The following SLC26A4 variants were observed in gnomAD, a reference collection of about 807,000 sequenced individuals.
SLC26A4 encodes the protein pendrin.
SLC26A4 carries 93 observed loss-of-function variants against 90.4 expected under a neutral mutation model. The ratio of observed to expected loss-of-function variants is 1.03; its 90% CI spans 0.87 to 1.22. The LOEUF is 1.22. Ranked by LOEUF, SLC26A4 falls within the 50% of genes most tolerant of loss-of-function variation. SLC26A4 has a pLI of 0.00. For synonymous variants in SLC26A4, 393 were observed against 354.6 expected, an observed-to-expected ratio of 1.11 and a Z score of -1.22; for missense variants, 1,127 against 946.2, an observed-to-expected ratio of 1.19 and a Z score of -2.51.
At chr7:107,679,282 G>C (rs942870723) in intron 6 of SLC26A4, among the ~76,000 whole-genome samples, 2 of 152,058 alleles carry the variant, frequency 1.3e-5, no homozygotes, top group African/African-American at 2.4e-5. Context: ...CACTAAGCTT[G>C]ATTAGATTTG....
Position 107,710,058 on chromosome 7 carries a change from T to G in SLC26A4, c.2094T>G (p.Tyr698Ter). Residue 698 changes from tyrosine (Y) to a stop codon, truncating the protein, a stop_gained, in exon 19 of 21, where the codon TAT becomes TAG. Transcript: ENST00000644269. LOFTEE classifies it high-confidence loss of function. ...CATTGTGTCTTTCTTTTGAAGATTA[T>G]GTGATAGAAAAGCTGGAGCAATGCG... ...VNVYFASLQD[Y>*]VIEKLEQCGF... The G allele has an allele frequency of 6.2e-7, 1 of 1,612,938 alleles. No homozygotes were observed. Among genetic ancestry groups the G allele is most frequent in the Non-Finnish European group, 8.5e-7 (1 of 1,178,962 alleles).
chr7:107,706,941 G>A (rs571662165), intron 18 of SLC26A4, among the ~76,000 whole-genome samples: 243 of 152,232 alleles, frequency 1.6e-3, no homozygotes, highest in Non-Finnish European at 7.2e-4. Flanking sequence ...AAGCCAAGGC[G>A]GACAATTGCT....
intron 18 of SLC26A4, 34 bp from the exon 19 acceptor site, chr7:107,710,020 G>C: frequency 6.3e-7 from 1 of 1,599,830 alleles, no homozygotes. Context: ...TCTTTTCCTA[G>C]GAACTAACAA....
chr7:107,691,478 G>A (rs1345531198), intron 10 of SLC26A4, among the ~76,000 whole-genome samples: 5 of 145,428 alleles, frequency 3.4e-5, no homozygotes, highest in Non-Finnish European at 7.5e-5. Flanking sequence ...TTCCAGCCTG[G>A]GCGACAAGAG....
intron 13 of SLC26A4, among the ~76,000 whole-genome samples, chr7:107,696,893 C>T (rs759046988): frequency 2.6e-5 from 4 of 152,086 alleles, no homozygotes; most frequent in East Asian, 3.8e-4. Context: ...GTGCTTGGGC[C>T]GTGAAAGAAG....
intron 4 of SLC26A4, among the ~76,000 whole-genome samples, chr7:107,673,365 A>C (rs2129311560): frequency 1.3e-5 from 2 of 152,290 alleles, no homozygotes; most frequent in South Asian, 4.2e-4. Context: ...AAAGAGAAAG[A>C]AACTTCATAC....
chr7:107,711,732 A>G (rs1388919439), intron 19 of SLC26A4, among the ~76,000 whole-genome samples: 1 of 152,170 alleles, frequency 6.6e-6, no homozygotes, highest in African/African-American at 2.4e-5. Flanking sequence ...CAATGACACA[A>G]CCTTCTTCCT....
chr7:107,714,662 T>C (rs966012940), intron 20 of SLC26A4, among the ~76,000 whole-genome samples: 5 of 152,112 alleles, frequency 3.3e-5, no homozygotes, highest in African/African-American at 1.2e-4. Context: ...CTATAGATGG[T>C]AAAACAATAT....
At chr7:107,714,793 A>G (rs1187278118) in intron 20 of SLC26A4, among the ~76,000 whole-genome samples, 1 of 152,188 alleles carries the variant, frequency 6.6e-6, no homozygotes, top group African/African-American at 2.4e-5. Flanking sequence ...TCATATTAGT[A>G]TCTTCATGTA....
chr7:107,699,423 T>C (rs899604186), intron 14 of SLC26A4, among the ~76,000 whole-genome samples: 23 of 152,178 alleles, frequency 1.5e-4, no homozygotes, highest in African/African-American at 5.6e-4. Flanking sequence ...GATTTTGCTT[T>C]TTTTCTTTGC....
chr7:107,689,152 A>G lies in SLC26A4; in HGVS notation c.1101A>G (p.Val367=), dbSNP rs774874269. ...AVVAYAIAVS[V]GKVYATKYDY... Reference sequence around the variant, plus strand: ...TGGCTTATGCTATTGCAGTGTCAGTAGGAAAAGTATATGCCACCAAGTATG... The same window carrying G: ...TGGCTTATGCTATTGCAGTGTCAGTGGGAAAAGTATATGCCACCAAGTATG... The change falls in exon 9 of 21, where the codon GTA becomes GTG. Residue 367 remains valine, a synonymous_variant. Coordinates refer to ENST00000644269, the MANE Select transcript of SLC26A4 (RefSeq NM_000441.2). 1.8e-5 allele frequency: 29 copies of G among 1,613,792 alleles called. No homozygotes were observed. The South Asian group carries it at 3.0e-4, about 16-fold the overall frequency.
intron 8 of SLC26A4, 34 bp downstream of exon 8, chr7:107,683,571 TAA>T: frequency 6.8e-7 from 1 of 1,463,584 alleles, no homozygotes; most frequent in East Asian, 2.3e-5. Flanking sequence ...ACTAATACAT[TAA>T]GTCAGTAAGT....
intron 8 of SLC26A4, among the ~76,000 whole-genome samples, chr7:107,686,380 TCC>T (rs1791409343): frequency 7.2e-6 from 1 of 139,646 alleles, no homozygotes; most frequent in Non-Finnish European, 1.6e-5. Flanking sequence ...TTCCTCCCCT[TCC>T]TTCCTTCCTT....
chr7:107,673,635 C>T (rs892982171), intron 4 of SLC26A4, among the ~76,000 whole-genome samples: 2 of 152,138 alleles, frequency 1.3e-5, no homozygotes, highest in Non-Finnish European at 1.5e-5. Context: ...GATATACTCA[C>T]GAAGCATCCT....
intron 10 of SLC26A4, chr7:107,693,410 C>T (rs1022805519): frequency 2.0e-6 from 2 of 985,392 alleles, no homozygotes; most frequent in Non-Finnish European, 2.4e-6. Context: ...TTCTAATTTT[C>T]TGTTTATATT....
chr7:107,701,975 C>T lies in SLC26A4; in HGVS notation c.1952C>T (p.Pro651Leu). Residue 651 changes from proline to leucine, a missense_variant, in exon 17 of 21, where the codon CCC becomes CTC. By Grantham distance (98) the Pro-to-Leu change is moderately conservative. Transcript: ENST00000644269. ...GAGCTTCCAGTCAAAGTGAACGTTC[C>T]CAAAGTGCCAATCCATAGCCTTGTG... Reference protein sequence around the residue: ...NSELPVKVNVPKVPIHSLVLD... With the variant: ...NSELPVKVNVLKVPIHSLVLD... 1 of 1,614,002 alleles carries T rather than the reference C, an allele frequency of 6.2e-7. No homozygotes were observed. Among genetic ancestry groups the T allele is most frequent in the Non-Finnish European group, 8.5e-7 (1 of 1,179,932 alleles).
Position 107,700,101 on chromosome 7 carries a change from G to C in SLC26A4, c.1633G>C (p.Val545Leu). The C allele has an allele frequency of 6.4e-7, 1 of 1,573,498 alleles. No homozygotes were observed. Among genetic ancestry groups the C allele is most frequent in the Admixed American group, 1.7e-5 (1 of 59,952 alleles). ...ATGCCAGATTGAAGAACCTCAAGGA[G>C]TGAAGATTCTTAGATTTTCCAGTCC... ...NYKNIEEPQG[V>L]KILRFSSPIF... is the part of the protein sequence containing the mutation. Residue 545 changes from valine (V) to leucine (L), a missense_variant, in exon 15 of 21, where the codon GTG becomes CTG. By Grantham distance (32) the Val-to-Leu change is conservative. Coordinates refer to ENST00000644269, the MANE Select transcript of SLC26A4 (RefSeq NM_000441.2).
chr7:107,679,606 C>T (rs190221837), intron 6 of SLC26A4, among the ~76,000 whole-genome samples: 34 of 151,468 alleles, frequency 2.2e-4, no homozygotes, highest in Non-Finnish European at 4.4e-4. Context: ...CCAAACACAG[C>T]AGGAAATATA....
intron 6 of SLC26A4, among the ~76,000 whole-genome samples, chr7:107,677,230 T>C (rs913544049): frequency 9.2e-5 from 14 of 151,934 alleles, no homozygotes; most frequent in African/African-American, 3.4e-4. Context: ...ACAAAAAAGA[T>C]CATGGACTTT....
Sources: allele counts gnomAD v4.1 joint callset (sites outside exome capture counted in the v4.1 genomes callset), GRCh38; gene constraint gnomAD v4.1.1; transcripts MANE v1.5; gene names NCBI Gene and HGNC (gene_info 2026-07-23, HGNC 2026-07-21).